Variants in RALA observed in about 807,000 individuals in gnomAD.
RALA encodes the protein RAS like proto-oncogene A.
Under a neutral mutation model 24.0 loss-of-function variants are expected in RALA, and 5 were observed. The ratio of observed to expected loss-of-function variants is 0.21; its 90% CI spans 0.11 to 0.44. RALA has a LOEUF of 0.44. Among genes scored for constraint, RALA ranks in the 20% least tolerant of loss-of-function variants. The pLI is 0.99. For missense variants in RALA, 95 were observed against 241.2 expected (o/e 0.39, Z 4.01); for synonymous variants, 77 against 83.8 (o/e 0.92, Z 0.44).
At chr7:39,647,993 A>C in intron 1 of RALA, among the ~76,000 whole-genome samples, 1 of 152,162 alleles carries the variant, frequency 6.6e-6, no homozygotes, top group East Asian at 1.9e-4. Flanking sequence ...TGTCTGTTTC[A>C]TTTTGTTTCA....
chr7:39,626,877 G>C (rs1583698507), intron 1 of RALA, among the ~76,000 whole-genome samples: 1 of 152,148 alleles, frequency 6.6e-6, no homozygotes, highest in East Asian at 1.9e-4. Context: ...AGATGTGCTT[G>C]GTCTGTTTTT....
intron 3 of RALA, 51 bp downstream of exon 3, chr7:39,690,641 T>G: frequency 4.0e-5 from 57 of 1,409,032 alleles, no homozygotes; most frequent in Non-Finnish European, 5.0e-5. Context: ...CAACAATTTC[T>G]TCCCCAGAAA....
At chr7:39,666,736 G>A (rs531969066) in intron 1 of RALA, among the ~76,000 whole-genome samples, 4 of 152,162 alleles carry the variant, frequency 2.6e-5, no homozygotes, top group South Asian at 2.1e-4. Flanking sequence ...CTATTCACCC[G>A]CAGTTCCACA....
chr7:39,652,902 A>T (rs915397198), intron 1 of RALA, among the ~76,000 whole-genome samples: 11 of 151,946 alleles, frequency 7.2e-5, no homozygotes, highest in Admixed American at 6.6e-4. Flanking sequence ...AGTAGCTGGG[A>T]TTACAGGCAT....
intron 1 of RALA, among the ~76,000 whole-genome samples, chr7:39,629,403 T>C (rs1791551688): frequency 1.3e-5 from 2 of 152,178 alleles, no homozygotes. Flanking sequence ...TATTATTTGC[T>C]CACTTTCTTT....
intron 4 of RALA, chr7:39,700,532 C>G (rs1480228566): frequency 6.6e-6 from 1 of 152,214 alleles, no homozygotes; most frequent in Non-Finnish European, 1.5e-5. Flanking sequence ...GAAAAAGAAC[C>G]AGGCAGAAAC....
chr7:39,670,418 A>C (rs1792360128), intron 1 of RALA, among the ~76,000 whole-genome samples: 1 of 152,220 alleles, frequency 6.6e-6, no homozygotes, highest in Non-Finnish European at 1.5e-5. Context: ...AAATGCTGGG[A>C]TTATAGGTGT....
At chr7:39,669,792 C>T (rs1417561832) in intron 1 of RALA, among the ~76,000 whole-genome samples, 6 of 146,478 alleles carry the variant, frequency 4.1e-5, no homozygotes, top group Admixed American at 6.9e-5. Context: ...GGTGATAGAC[C>T]GAGACTCTGT....
chr7:39,692,976 G>A (rs1330628357), intron 3 of RALA, among the ~76,000 whole-genome samples: 1 of 152,182 alleles, frequency 6.6e-6, no homozygotes, highest in Non-Finnish European at 1.5e-5. Flanking sequence ...TGGTGAGAGT[G>A]TAAATTAGTT....
rs1239365370 is a variant in RALA, at chr7:39,707,024, A to G, written c.*779A>G. On this transcript the variant is annotated 3_prime_UTR_variant, in exon 5 of 5. Transcript: ENST00000005257. ...TGTCCAAATTTAAAATGTGTGCCAT[A>G]TTCTGGTTCTTGAAAATAAGATTCC... 6.6e-6 allele frequency: 1 copy of G among 152,648 alleles called. No homozygotes were observed. The highest frequency in any genetic ancestry group is 1.5e-5 in the Non-Finnish European group (1 of 68,048). The allele number at this position is 152,648 out of a possible 1,614,324, so 9.5% of individuals were successfully genotyped here. A position where few individuals can be genotyped will look rare whatever the true frequency, so the allele number is the denominator to read the frequency against.
intron 3 of RALA, among the ~76,000 whole-genome samples, chr7:39,691,509 A>G (rs1257928490): frequency 1.3e-5 from 2 of 152,198 alleles, no homozygotes; most frequent in Non-Finnish European, 2.9e-5. Context: ...GGGAGGGGAA[A>G]GAAGCTGGGA....
At chr7:39,631,870 G>C (rs950135911) in intron 1 of RALA, among the ~76,000 whole-genome samples, 1 of 152,194 alleles carries the variant, frequency 6.6e-6, no homozygotes, top group Non-Finnish European at 1.5e-5. Flanking sequence ...AAAGGAAAGA[G>C]ATTTGTTTGG....
At chr7:39,651,195 A>G (rs1016436279) in intron 1 of RALA, among the ~76,000 whole-genome samples, 9 of 152,222 alleles carry the variant, frequency 5.9e-5, no homozygotes, top group African/African-American at 1.9e-4. Context: ...ATTTTGCCCA[A>G]CTGTAAGCTA....
At position 39,651,725 on chromosome 7, in the gene RALA, C is replaced by T. The variant is rs184541780; in HGVS notation, c.-38+27900C>T. Among the ~76,000 whole-genome samples the T allele has an allele frequency of 3.3e-3, 501 of 152,100 alleles. 3 individuals carry two copies. The highest frequency in any genetic ancestry group is 0.012 in the African/African-American group (489 of 41,514). On this transcript the variant is annotated intron_variant, in intron 1 of 4. Transcript: ENST00000005257. ...ATTTTATTTTGCTATCTAATTTTTTCATGTTTGTAGTAATACATATCTGTT... is the reference window on the plus strand; with the variant it reads ...ATTTTATTTTGCTATCTAATTTTTTTATGTTTGTAGTAATACATATCTGTT...
chr7:39,690,063 A>C (rs1182752097), intron 2 of RALA, among the ~76,000 whole-genome samples: 1 of 152,206 alleles, frequency 6.6e-6, no homozygotes, highest in Non-Finnish European at 1.5e-5. Flanking sequence ...AGAGTTACAT[A>C]GAAAAAAGAC....
intron 1 of RALA, among the ~76,000 whole-genome samples, chr7:39,670,287 G>A (rs779263076): frequency 1.3e-5 from 2 of 152,016 alleles, no homozygotes; most frequent in Non-Finnish European, 2.9e-5. Flanking sequence ...CTAGGACTAC[G>A]GGCGTGTGCC....
intron 1 of RALA, among the ~76,000 whole-genome samples, chr7:39,672,832 G>C (rs571593736): frequency 5.9e-5 from 9 of 152,114 alleles, no homozygotes; most frequent in Non-Finnish European, 1.2e-4. Flanking sequence ...TATCTGCAAA[G>C]GGACAAGAGG....
intron 3 of RALA, among the ~76,000 whole-genome samples, chr7:39,692,980 A>G (rs1370325933): frequency 1.3e-5 from 2 of 152,230 alleles, no homozygotes; most frequent in Non-Finnish European, 2.9e-5. Flanking sequence ...GAGAGTGTAA[A>G]TTAGTTTAAC....
At chr7:39,697,948 AGT>A (rs370929636) in intron 4 of RALA, among the ~76,000 whole-genome samples, 2,929 of 148,826 alleles carry the variant, frequency 0.02, 53 homozygotes, top group African/African-American at 0.047. Flanking sequence ...GACTAGGGCA[AGT>A]GTGTGTGTGT....
Sources: allele counts gnomAD v4.1 joint callset (sites outside exome capture counted in the v4.1 genomes callset), GRCh38; gene constraint gnomAD v4.1.1; transcripts MANE v1.5; gene names NCBI Gene and HGNC (gene_info 2026-07-23, HGNC 2026-07-21).